The following KIF6 variants were observed in gnomAD, a reference collection of about 807,000 sequenced individuals.
KIF6 encodes kinesin family member 6, also known as kinesin-like protein KIF6.
A neutral mutation model predicts 112.7 loss-of-function variants in KIF6; 106 were observed. That is an observed-to-expected ratio of 0.94 (90% CI 0.80 to 1.11). The LOEUF (loss-of-function observed/expected upper bound fraction) is 1.11, where lower values mean the gene tolerates loss of function less well. KIF6 is among the 50% of genes least tolerant of loss of function. The probability of loss-of-function intolerance (pLI) is 0.00; values close to 1 mark genes in which losing one functional copy is unlikely to be tolerated. For missense variants in KIF6, 929 were observed against 964.0 expected (o/e 0.96, Z 0.48); for synonymous variants, 339 against 339.9 (o/e 1.00, Z 0.03).
At chr6:39,655,728 T>C (rs1468642149) in intron 3 of KIF6, among the ~76,000 whole-genome samples, 1 of 152,212 alleles carries the variant, frequency 6.6e-6, no homozygotes, top group Non-Finnish European at 1.5e-5. Flanking sequence ...TTCTCATATA[T>C]ACATGGGTCT....
intron 13 of KIF6, among the ~76,000 whole-genome samples, chr6:39,517,150 C>T (rs1161727508): frequency 7.2e-5 from 11 of 152,134 alleles, no homozygotes; most frequent in Non-Finnish European, 1.5e-4. Context: ...AAATGAAACA[C>T]ACTAAAGTAG....
rs577146047 is a variant in KIF6, at chr6:39,650,305, A to C, written c.252-10548T>G. Among the ~76,000 whole-genome samples the C allele has an allele frequency of 8.5e-5, 13 of 152,196 alleles. 1 individual carries two copies. In the East Asian group the frequency reaches 2.5e-3, roughly 29 times the overall value. On this transcript the variant is annotated intron_variant, in intron 3 of 22. Coordinates refer to ENST00000287152, the MANE Select transcript of KIF6 (RefSeq NM_145027.6). ...TTATTATTTCCCAAGTTTCTGAAGA[A>C]ACCGTTTTGTGTTAGTATTAATAAT...
rs143813638 is a variant in KIF6, at chr6:39,410,599, C to T, written c.1810+9349G>A. Among the ~76,000 whole-genome samples, 369 of 152,234 alleles carry T rather than the reference C, an allele frequency of 2.4e-3. 1 individual carries two copies. The highest frequency in any genetic ancestry group is 8.1e-3 in the African/African-American group (337 of 41,536). On this transcript the variant is annotated intron_variant, in intron 15 of 22. Transcript: ENST00000287152. The stretch of plus-strand genomic sequence containing the variant: ...TCTAAATATGAAAGCAATGGAGGAA[C>T]TCATAAAAGAAAAGATCAATGGATT...
In KIF6 at chr6:39,586,292, GCAA is replaced by G. The variant is rs751870576; in HGVS notation, c.956_958del (p.Ile319_Ala320delinsThr). 3.7e-4 allele frequency: 593 copies of G among 1,614,092 alleles called. No homozygotes were observed. The highest frequency in any genetic ancestry group is 8.5e-4 in the Admixed American group (51 of 60,028). On this transcript the variant is annotated inframe_deletion, in exon 8 of 23. Transcript: ENST00000287152. ...ATTCCTTTTCTCCAAGGAGAGTGTT[GCAA>G]TCATAGTTGTCATGCAGTTCCCTCC...
intron 3 of KIF6, among the ~76,000 whole-genome samples, chr6:39,712,588 G>A (rs1789616783): frequency 6.6e-6 from 1 of 152,144 alleles, no homozygotes; most frequent in Non-Finnish European, 1.5e-5. Flanking sequence ...GTCAGGGCCA[G>A]GTGCGGTGGC....
At chr6:39,660,526 T>C (rs1039943146) in intron 3 of KIF6, among the ~76,000 whole-genome samples, 1 of 152,178 alleles carries the variant, frequency 6.6e-6, no homozygotes, top group African/African-American at 2.4e-5. Context: ...CATAAAATGC[T>C]CACACAATCT....
At chr6:39,671,001 T>A (rs558332712) in intron 3 of KIF6, among the ~76,000 whole-genome samples, 1 of 152,378 alleles carries the variant, frequency 6.6e-6, no homozygotes, top group African/African-American at 2.4e-5. Flanking sequence ...TAATTCCATA[T>A]GTATTTTGCA....
At chr6:39,673,111 C>G (rs1437249417) in intron 3 of KIF6, among the ~76,000 whole-genome samples, 1 of 152,198 alleles carries the variant, frequency 6.6e-6, no homozygotes, top group Non-Finnish European at 1.5e-5. Flanking sequence ...AAGCCAAATG[C>G]TGGTGTCCGC....
intron 13 of KIF6, among the ~76,000 whole-genome samples, chr6:39,445,279 A>T (rs2150400635): frequency 6.6e-6 from 1 of 151,934 alleles, no homozygotes; most frequent in East Asian, 1.9e-4. Context: ...AGGAGAAGAA[A>T]CTCCCATCCC....
In KIF6 at chr6:39,360,550, G is replaced by C. The variant is rs372318916; in HGVS notation, c.1947-20C>G. ...TTATACCTGCGGTGGAATCGGGGAA[G>C]AGTCAGGGCACTGCTGTCTTGAAAG... is the stretch of plus-strand genomic sequence containing the variant. On this transcript the variant is annotated intron_variant, in intron 17 of 22. Transcript: ENST00000287152. 4.3e-4 allele frequency: 691 copies of C among 1,614,110 alleles called. 3 individuals carry two copies. In the South Asian group the frequency reaches 4.5e-3, roughly 10 times the overall value.
At chr6:39,561,876 A>T (rs577248785) in intron 10 of KIF6, among the ~76,000 whole-genome samples, 3 of 152,226 alleles carry the variant, frequency 2.0e-5, no homozygotes, top group Non-Finnish European at 4.4e-5. Context: ...CTTACCAGCC[A>T]TCTGAGCTTC....
intron 10 of KIF6, among the ~76,000 whole-genome samples, chr6:39,558,835 C>G (rs963923629): frequency 6.6e-6 from 1 of 152,060 alleles, no homozygotes; most frequent in Non-Finnish European, 1.5e-5. Flanking sequence ...TTCATTTGGC[C>G]TATTAGAACC....
chr6:39,698,356 A>G (rs567241036), intron 3 of KIF6, among the ~76,000 whole-genome samples: 267 of 152,354 alleles, frequency 1.8e-3, no homozygotes, highest in African/African-American at 6.2e-3. Flanking sequence ...GATACTGCCT[A>G]GTTGTAACAT....
intron 10 of KIF6, among the ~76,000 whole-genome samples, chr6:39,560,182 C>T (rs1779937742): frequency 6.6e-6 from 1 of 152,204 alleles, no homozygotes; most frequent in Non-Finnish European, 1.5e-5. Flanking sequence ...TAGTCATTAA[C>T]TCATTTACCA....
intron 1 of KIF6, among the ~76,000 whole-genome samples, chr6:39,722,595 A>G (rs1340413954): frequency 6.6e-6 from 1 of 152,234 alleles, no homozygotes; most frequent in African/African-American, 2.4e-5. Context: ...CTTAAAGAAT[A>G]AAAGTAATGC....
intron 13 of KIF6, among the ~76,000 whole-genome samples, chr6:39,467,274 A>C (rs1235170313): frequency 2.0e-5 from 3 of 152,242 alleles, no homozygotes; most frequent in Non-Finnish European, 4.4e-5. Context: ...CAGGGAAAAG[A>C]GATAGTTAAT....
intron 9 of KIF6, chr6:39,583,047 T>C (rs935995722): frequency 5.4e-6 from 1 of 186,542 alleles, no homozygotes; most frequent in South Asian, 1.1e-4. Flanking sequence ...TTCAAATCTC[T>C]CACAGACCTA....
chr6:39,569,439 T>TA (rs746790148), intron 10 of KIF6, among the ~76,000 whole-genome samples: 6 of 152,226 alleles, frequency 3.9e-5, no homozygotes, highest in Non-Finnish European at 7.3e-5. Context: ...TATTCTGTCT[T>TA]ACGCTTTTTG....
chr6:39,697,517 A>G (rs186122838), intron 3 of KIF6, among the ~76,000 whole-genome samples: 1 of 148,498 alleles, frequency 6.7e-6, no homozygotes, highest in Non-Finnish European at 1.5e-5. Context: ...CTAATATTAG[A>G]CTAACCATTT....
Sources: gnomAD v4.1 joint callset for allele counts (sites outside exome capture counted in the v4.1 genomes callset) on GRCh38, gnomAD v4.1.1 for gene constraint, MANE v1.5 for transcripts, NCBI Gene and HGNC (gene_info 2026-07-23, HGNC 2026-07-21) for gene names.